SH3BP4: variants seen among roughly 807,000 people sequenced by gnomAD.
SH3BP4 encodes the protein SH3 domain-binding protein 4.
In SH3BP4, 33 loss-of-function variants were observed where a neutral mutation model predicts 65.5. That is an observed-to-expected ratio of 0.50 (90% confidence interval 0.38 to 0.67). The LOEUF (loss-of-function observed/expected upper bound fraction) is 0.67, where lower values mean the gene tolerates loss of function less well. Among genes scored for constraint, SH3BP4 ranks in the 30% least tolerant of loss-of-function variants. The probability of loss-of-function intolerance (pLI) is 0.00; values close to 1 mark genes in which losing one functional copy is unlikely to be tolerated. For synonymous variants in SH3BP4, 552 were observed against 545.5 expected (o/e 1.01, Z -0.17); for missense variants, 1,134 against 1,261.4 (o/e 0.90, Z 1.53).
rs770776091 is a variant in SH3BP4 at position 235,035,025 on chromosome 2, C to T, written c.23C>T (p.Ala8Val). MAAQRIRAANSNGLPRCK... is the reference protein window; with the variant it reads MAAQRIRVANSNGLPRCK... The stretch of plus-strand genomic sequence containing the variant: ...GAGATGGCGGCTCAGCGGATCCGAG[C>T]GGCCAACTCCAATGGCCTCCCTCGC... The change falls in exon 3 of 6, where the codon GCG (alanine) becomes GTG (valine). Residue 8 changes from alanine (A) to valine (V), a missense_variant. By Grantham distance (64) the Ala-to-Val change is moderately conservative. Transcript: ENST00000392011. The surrounding 1 kb of genome is among the most constrained non-coding windows in gnomAD (Gnocchi z 5.0). 17 of 1,613,924 alleles carry T rather than the reference C, an allele frequency of 1.1e-5. No homozygotes were observed. The East Asian group carries it at 1.3e-4, about 13-fold the overall frequency.
chr2:235,007,742 G>A (rs772614647), intron 2 of SH3BP4, among the ~76,000 whole-genome samples: 1 of 152,082 alleles, frequency 6.6e-6, no homozygotes, highest in Non-Finnish European at 1.5e-5. Flanking sequence ...TCCTGAGCCC[G>A]GGCTGCGGCC....
intron 2 of SH3BP4, among the ~76,000 whole-genome samples, chr2:235,025,312 G>A (rs529025010): frequency 6.6e-6 from 1 of 152,176 alleles, no homozygotes; most frequent in South Asian, 2.1e-4. Context: ...AGCGAGCCAA[G>A]GTGTCTGCGG....
intron 4 of SH3BP4, among the ~76,000 whole-genome samples, chr2:235,050,939 T>C (rs1035747784): frequency 2.2e-4 from 34 of 152,142 alleles, no homozygotes; most frequent in Non-Finnish European, 3.5e-4. Flanking sequence ...CCAGGACTGG[T>C]GACTTTCCTC....
chr2:234,975,928 G>C (rs1693153304), intron 1 of SH3BP4, among the ~76,000 whole-genome samples: 1 of 152,134 alleles, frequency 6.6e-6, no homozygotes, highest in Admixed American at 6.5e-5. Flanking sequence ...TTCAACCTTA[G>C]CTTCTCTCTA....
In SH3BP4 at chr2:235,043,052, G is replaced by C. The variant is rs772567060; in HGVS notation, c.2283G>C (p.Leu761=). 13 of 1,612,984 alleles carry C rather than the reference G, an allele frequency of 8.1e-6. No homozygotes were observed. The South Asian group carries it at 1.4e-4, about 18-fold the overall frequency. Reference sequence around the variant, plus strand: ...ACATCTATGCCTCCGTGAGGACCCTGCTCATGGAGAACATCAGCAGCTGGC... The same window carrying C: ...ACATCTATGCCTCCGTGAGGACCCTCCTCATGGAGAACATCAGCAGCTGGC... ...LTYIYASVRT[L]LMENISSWRS... Residue 761 remains leucine (L), a synonymous_variant, in exon 4 of 6, where the codon CTG becomes CTC. Coordinates refer to ENST00000392011, the MANE Select transcript of SH3BP4 (RefSeq NM_014521.3).
rs981942446 is a variant in SH3BP4 at position 235,037,904 on chromosome 2, T to A, written c.118+2784T>A. ...ATTAAATAATTTGTTGGTTTTATGA[T>A]TTTTTTAGAGCACAAGGGCACAGCC... is the stretch of plus-strand genomic sequence containing the variant. On this transcript the variant is annotated intron_variant, in intron 3 of 5. Coordinates refer to ENST00000392011, the MANE Select transcript of SH3BP4 (RefSeq NM_014521.3). 3.5e-4 allele frequency among the ~76,000 whole-genome samples: 53 copies of A among 152,050 alleles called. 1 individual carries two copies. The highest frequency in any genetic ancestry group is 3.5e-3 in the Admixed American group (53 of 15,234).
At chr2:235,038,337 TAG>T (rs1491145301) in intron 3 of SH3BP4, among the ~76,000 whole-genome samples, 2,119 of 6,312 alleles carry the variant, frequency 0.34, 302 homozygotes, top group African/African-American at 0.47. Context: ...ATATTATATA[TAG>T]TATATATATT....
At chr2:235,040,641 G>T (rs921355241) in intron 3 of SH3BP4, among the ~76,000 whole-genome samples, 1 of 151,858 alleles carries the variant, frequency 6.6e-6, no homozygotes, top group Admixed American at 6.6e-5. Flanking sequence ...TGTGAGTGAT[G>T]GAGAGGCTCC....
In SH3BP4 at chr2:234,977,234, C is replaced by T. The variant is rs1278879206; in HGVS notation, c.-206-18069C>T. Among the ~76,000 whole-genome samples the T allele has an allele frequency of 2.0e-5, 3 of 152,230 alleles. No homozygotes were observed. The highest frequency in any genetic ancestry group is 2.9e-5 in the Non-Finnish European group (2 of 68,042). On this transcript the variant is annotated intron_variant, in intron 1 of 5. Transcript: ENST00000392011. This position sits in a 1 kb window ranked among gnomAD's most constrained non-coding sequence, Gnocchi z 5.1. The stretch of plus-strand genomic sequence containing the variant: ...TTCAGGCAGGTGACACTGGGCACCT[C>T]CTGCCGGGGAGAAGCTCAGGGTCCC...
In SH3BP4 at chr2:235,054,047, A is replaced by G; in HGVS notation, c.*231A>G. ...TCACATAGCTTTCTATTTGTTAAGT[A>G]TAAATTTAAATTTAAAATCACTTTT... On this transcript the variant is annotated 3_prime_UTR_variant, in exon 6 of 6. Coordinates refer to ENST00000392011, the MANE Select transcript of SH3BP4 (RefSeq NM_014521.3). 1 of 474,870 alleles carries G rather than the reference A, an allele frequency of 2.1e-6. No individual in the cohort carries two copies. The highest frequency in any genetic ancestry group is 4.5e-5 in the South Asian group (1 of 22,332). The allele number at this position is 474,870 out of a possible 1,614,324, so 29.4% of individuals were successfully genotyped here. A position where few individuals can be genotyped will look rare whatever the true frequency, so the allele number is the denominator to read the frequency against.
rs750995533 is a variant in SH3BP4 at position 235,042,114 on chromosome 2, A to G, written c.1345A>G (p.Met449Val). The change falls in exon 4 of 6, where the codon ATG becomes GTG. Residue 449 changes from methionine to valine, a missense_variant. Physicochemically the swap from Met to Val is conservative, Grantham distance 21. Transcript: ENST00000392011. The surrounding 1 kb of genome is among the most constrained non-coding windows in gnomAD (Gnocchi z 7.3). ...ACAGCTGCACAACCTGGAGCCCTGT[A>G]TGTACGTGGCTGTCGTGGCCCATGG... ...QAQLHNLEPCMYVAVVAHGPS... is the reference protein window; with the variant it reads ...QAQLHNLEPCVYVAVVAHGPS... 1.2e-6 allele frequency: 2 copies of G among 1,613,944 alleles called. No homozygotes were observed. The highest frequency in any genetic ancestry group is 3.3e-5 in the Admixed American group (2 of 60,008).
intron 2 of SH3BP4, among the ~76,000 whole-genome samples, chr2:234,999,052 C>A (rs1372944195): frequency 2.6e-5 from 4 of 152,194 alleles, no homozygotes; most frequent in Non-Finnish European, 5.9e-5. Flanking sequence ...CCAGTGACAA[C>A]GTCCGCAGGG....
intron 1 of SH3BP4, among the ~76,000 whole-genome samples, chr2:234,954,803 C>T (rs1025494653): frequency 3.9e-5 from 6 of 152,072 alleles, no homozygotes; most frequent in Non-Finnish European, 5.9e-5. Context: ...CCTGAAATTG[C>T]GTGGGAGGTG....
chr2:235,038,515 T>C (rs1202774647), intron 3 of SH3BP4, among the ~76,000 whole-genome samples: 2 of 146,958 alleles, frequency 1.4e-5, no homozygotes, highest in Non-Finnish European at 3.0e-5. Flanking sequence ...TTAATATATG[T>C]TATATGTATA....
At position 235,053,767 on chromosome 2, in the gene SH3BP4, T is replaced by G; in HGVS notation, c.2843T>G (p.Leu948Arg). The change falls in exon 6 of 6, where the codon CTG (leucine) becomes CGG (arginine). Residue 948 changes from leucine (L) to arginine (R), a missense_variant. Coordinates refer to ENST00000392011, the MANE Select transcript of SH3BP4 (RefSeq NM_014521.3). ...ATCTTGGTGAACTCCCTGGACGTTC[T>G]GAGAGCAGCCGCCTTCAGCCCTGCG... ...TLILVNSLDV[L>R]RAAAFSPADQ... The G allele has an allele frequency of 6.2e-7, 1 of 1,614,254 alleles. No homozygotes were observed. Among genetic ancestry groups the G allele is most frequent in the Non-Finnish European group, 8.5e-7 (1 of 1,180,042 alleles).
chr2:234,970,377 T>C (rs775552781), intron 1 of SH3BP4, among the ~76,000 whole-genome samples: 1 of 152,204 alleles, frequency 6.6e-6, no homozygotes, highest in Non-Finnish European at 1.5e-5. Context: ...GAGATTCCAT[T>C]GGCCTGGAAC....
At chr2:235,029,031 G>A (rs976933729) in intron 2 of SH3BP4, among the ~76,000 whole-genome samples, 2 of 152,224 alleles carry the variant, frequency 1.3e-5, no homozygotes, top group African/African-American at 4.8e-5. Context: ...GAGGGTGTCT[G>A]ACTGACTTTT....
intron 1 of SH3BP4, among the ~76,000 whole-genome samples, chr2:234,960,608 ACTG>A (rs1224861092): frequency 6.6e-6 from 1 of 152,142 alleles, no homozygotes; most frequent in Non-Finnish European, 1.5e-5. Context: ...GATTTTCAGA[ACTG>A]CTGAATTGGG....
rs538828641 is a variant in SH3BP4, at chr2:235,052,394, C to G, written c.2479-168C>G. 6.6e-6 allele frequency among the ~76,000 whole-genome samples: 1 copy of G among 152,130 alleles called. No homozygotes were observed. The highest frequency in any genetic ancestry group is 2.4e-5 in the African/African-American group (1 of 41,422). On this transcript the variant is annotated intron_variant, in intron 4 of 5. Coordinates refer to ENST00000392011, the MANE Select transcript of SH3BP4 (RefSeq NM_014521.3). This position sits in a 1 kb window ranked among gnomAD's most constrained non-coding sequence, Gnocchi z 5.0. ...GCTCTGCACATCATCTCTTTTCTCCCGTGAATCCTGGCAGTGATCGATTTC... is the reference window on the plus strand; with the variant it reads ...GCTCTGCACATCATCTCTTTTCTCCGGTGAATCCTGGCAGTGATCGATTTC...
Sources: gnomAD v4.1 joint callset for allele counts (sites outside exome capture counted in the v4.1 genomes callset) on GRCh38, gnomAD v4.1.1 for gene constraint, Gnocchi (gnomAD v3.1) non-coding constraint, MANE v1.5 for transcripts, NCBI Gene and HGNC (gene_info 2026-07-23, HGNC 2026-07-21) for gene names.